Variants in EFNB2 observed in about 807,000 individuals in gnomAD.
EFNB2 encodes ephrin-B2.
EFNB2 carries 5 observed loss-of-function variants against 32.1 expected under a neutral mutation model. The observed-to-expected ratio is 0.16, with a 90% CI of 0.08 to 0.33. The LOEUF (loss-of-function observed/expected upper bound fraction) is 0.33, where lower values mean the gene tolerates loss of function less well. Among genes scored for constraint, EFNB2 ranks in the 10% least tolerant of loss-of-function variants. EFNB2 has a pLI of 1.00. For missense variants in EFNB2, 263 were observed against 422.6 expected, an observed-to-expected ratio of 0.62 and a Z score of 3.31; for synonymous variants, 168 against 166.5, an observed-to-expected ratio of 1.01 and a Z score of -0.07.
intron 2 of EFNB2, among the ~76,000 whole-genome samples, chr13:106,511,878 C>T (rs1178867794): frequency 6.6e-6 from 1 of 152,088 alleles, no homozygotes; most frequent in Non-Finnish European, 1.5e-5. Context: ...TCAGATATGA[C>T]CCAAGGGATA....
chr13:106,495,674 G>T, intron 3 of EFNB2, 74 bp downstream of exon 3: 1 of 1,395,798 alleles, frequency 7.2e-7, no homozygotes, highest in Non-Finnish European at 9.9e-7. Flanking sequence ...GTGGGCATCG[G>T]CAACATTAGC....
rs543289075 is a variant in EFNB2, at chr13:106,512,545, T to G, written c.390A>C (p.Lys130Asn). The G allele has an allele frequency of 6.2e-7, 1 of 1,603,764 alleles. No individual in the cohort carries two copies. Among genetic ancestry groups the G allele is most frequent in the South Asian group, 1.1e-5 (1 of 89,502 alleles). Residue 130 changes from lysine to asparagine, a missense_variant, in exon 2 of 5, where the codon AAA becomes AAC. Lys to Asn is a moderately conservative substitution (Grantham distance 94). This residue lies in a region of EFNB2 where 45 missense variants were observed against 128.6 expected (regional missense o/e 0.35). Transcript: ENST00000646441. ...NLWGLEFQKN[K>N]DYYIISTSNG... ...TATACTTACATATAATGTAATAATCTTTGTTCTTCTGAAATTCTAGACCCC... is the reference window on the plus strand; with the variant it reads ...TATACTTACATATAATGTAATAATCGTTGTTCTTCTGAAATTCTAGACCCC...
Position 106,493,574 on chromosome 13 carries a change from T to A in EFNB2, c.614-146A>T. Reference sequence around the variant, plus strand: ...GACTTTGCCTCGCCAATACCTCGTCTAAGAGCTCAACGCAAAAGGAAATGA... The same window carrying A: ...GACTTTGCCTCGCCAATACCTCGTCAAAGAGCTCAACGCAAAAGGAAATGA... On this transcript the variant is annotated intron_variant, in intron 4 of 4. Coordinates refer to ENST00000646441, the MANE Select transcript of EFNB2 (RefSeq NM_004093.4). This position sits in a 1 kb window ranked among gnomAD's most constrained non-coding sequence, Gnocchi z 6.1. 1 of 1,099,896 alleles carries A rather than the reference T, an allele frequency of 9.1e-7. No homozygotes were observed. Among genetic ancestry groups the A allele is most frequent in the Non-Finnish European group, 1.3e-6 (1 of 790,676 alleles). The allele number at this position is 1,099,896 out of a possible 1,614,324, so 68.1% of individuals were successfully genotyped here. A position where few individuals can be genotyped will look rare whatever the true frequency, so the allele number is the denominator to read the frequency against.
In EFNB2 at chr13:106,494,984, A is replaced by G; in HGVS notation, c.510T>C (p.Ser170=). 6.2e-7 allele frequency: 1 copy of G among 1,613,960 alleles called. No individual in the cohort carries two copies. The highest frequency in any genetic ancestry group is 2.2e-5 in the East Asian group (1 of 44,864). The change falls in exon 4 of 5, where the codon TCT becomes TCC. Residue 170 remains serine (S), a synonymous_variant. Transcript: ENST00000646441. The stretch of plus-strand genomic sequence containing the variant: ...GATCTTTATTCCTGGTTGATCCAGC[A>G]GAACTTGCATCTATATGAAAAACAA... ...ILMKVGQDAS[S]AGSTRNKDPT...
chr13:106,494,921 T>G lies in EFNB2; in HGVS notation c.573A>C (p.Gly191=), dbSNP rs371350125. ...RRPELEAGTN[G]RSSTTSPFVK... is the part of the protein sequence containing the mutation. ...CAAAGGGACTTGTTGTCGAACTTCT[T>G]CCATTTGTACCAGCTTCTAGTTCTG... The change falls in exon 4 of 5, where the codon GGA becomes GGC. Residue 191 remains glycine, a synonymous_variant. Transcript: ENST00000646441. 147 of 1,614,094 alleles carry G rather than the reference T, an allele frequency of 9.1e-5. No homozygotes were observed. The highest frequency in any genetic ancestry group is 1.2e-4 in the Non-Finnish European group (144 of 1,180,034).
rs1566458497 is a variant in EFNB2 at position 106,509,662 on chromosome 13, T to TGTGTGC, written c.406+2866_406+2867insGCACAC. Among the ~76,000 whole-genome samples the TGTGTGC allele has an allele frequency of 2.0e-5, 3 of 150,472 alleles. 1 individual carries two copies. The highest frequency in any genetic ancestry group is 1.3e-4 in the Admixed American group (2 of 15,186). On this transcript the variant is annotated intron_variant, in intron 2 of 4. Coordinates refer to ENST00000646441, the MANE Select transcript of EFNB2 (RefSeq NM_004093.4). ...GTGTGTGTGTGTGTGTGTGTGTGTG[T>TGTGTGC]GTGTGTGTGCATTTGTCTGATATGC...
At chr13:106,508,150 C>G (rs564902866) in intron 2 of EFNB2, among the ~76,000 whole-genome samples, 19 of 152,228 alleles carry the variant, frequency 1.2e-4, no homozygotes, top group African/African-American at 4.6e-4. Flanking sequence ...ACCAAACCTG[C>G]TGACTCATTC....
At position 106,490,739 on chromosome 13, in the gene EFNB2, A is replaced by ATATAGATATATATAATATATAT. The variant is rs1256903956; in HGVS notation, c.*2279_*2300dup. ...CATGGCAACCCTCCACAGAAATATG[A>ATATAGATATATATAATATATAT]TATAGATATATATAATATATATTGT... On this transcript the variant is annotated 3_prime_UTR_variant, in exon 5 of 5. Transcript: ENST00000646441. 6.6e-6 allele frequency: 1 copy of ATATAGATATATATAATATATAT among 151,666 alleles called. No homozygotes were observed. The highest frequency in any genetic ancestry group is 1.5e-5 in the Non-Finnish European group (1 of 67,958). 9.4% of individuals were successfully genotyped at this position (151,666 alleles called of 1,614,324 possible). A position where few individuals can be genotyped will look rare whatever the true frequency, so the allele number is the denominator to read the frequency against.
rs1880051717 is a variant in EFNB2, at chr13:106,535,558, T to G, written c.-594A>C. On this transcript the variant is annotated 5_prime_UTR_variant, in exon 1 of 5. Transcript: ENST00000646441. Reference sequence around the variant, plus strand: ...AGGGAGCTCGGTCCCCGCCGCGGGCTCCGGACGCGCGCGGGCCTTTGTGTG... The same window carrying G: ...AGGGAGCTCGGTCCCCGCCGCGGGCGCCGGACGCGCGCGGGCCTTTGTGTG... 6.7e-6 allele frequency: 1 copy of G among 148,378 alleles called. No individual in the cohort carries two copies. The highest frequency in any genetic ancestry group is 2.5e-5 in the African/African-American group (1 of 40,426). 9.2% of individuals were successfully genotyped at this position (148,378 alleles called of 1,614,324 possible).
At chr13:106,531,783 A>G (rs528540827) in intron 1 of EFNB2, among the ~76,000 whole-genome samples, 1 of 152,326 alleles carries the variant, frequency 6.6e-6, no homozygotes, top group Non-Finnish European at 1.5e-5. Context: ...TTACATGGGA[A>G]AAGCAAAATG....
intron 1 of EFNB2, among the ~76,000 whole-genome samples, chr13:106,534,563 A>C (rs1879992316): frequency 1.3e-5 from 2 of 152,124 alleles, no homozygotes; most frequent in South Asian, 4.1e-4. Flanking sequence ...GCCATCGGAC[A>C]CCTTCCCGGA....
intron 1 of EFNB2, among the ~76,000 whole-genome samples, chr13:106,529,158 C>T (rs997089432): frequency 2.0e-5 from 3 of 152,072 alleles, no homozygotes; most frequent in Non-Finnish European, 2.9e-5. Flanking sequence ...TCCCATGCAG[C>T]GGGAGAGGGA....
rs149214987 is a variant in EFNB2, at chr13:106,516,102, T to C, written c.123-3290A>G. On this transcript the variant is annotated intron_variant, in intron 1 of 4. Coordinates refer to ENST00000646441, the MANE Select transcript of EFNB2 (RefSeq NM_004093.4). ...AAATAGAAGCTAACATTTATACAAA[T>C]TGAAGTCAAATTAAATACCACTATT... 110 of 152,336 alleles carry C rather than the reference T, an allele frequency of 7.2e-4. 1 individual carries two copies. The highest frequency in any genetic ancestry group is 2.4e-3 in the African/African-American group (98 of 41,572). The allele number at this position is 152,336 out of a possible 1,614,324, so 9.4% of individuals were successfully genotyped here. A position where few individuals can be genotyped will look rare whatever the true frequency, so the allele number is the denominator to read the frequency against.
chr13:106,500,828 T>C, intron 2 of EFNB2, among the ~76,000 whole-genome samples: 1 of 152,158 alleles, frequency 6.6e-6, no homozygotes, highest in East Asian at 1.9e-4. Context: ...GGAAGACTGT[T>C]ATCTTGGCAA....
At chr13:106,522,073 C>T (rs1055602914) in intron 1 of EFNB2, among the ~76,000 whole-genome samples, 13 of 151,184 alleles carry the variant, frequency 8.6e-5, no homozygotes, top group Non-Finnish European at 1.8e-4. Context: ...AAACCACACA[C>T]GCACCCCAAA....
intron 1 of EFNB2, among the ~76,000 whole-genome samples, chr13:106,528,629 C>G (rs1338318538): frequency 6.6e-6 from 1 of 152,114 alleles, no homozygotes; most frequent in Non-Finnish European, 1.5e-5. Flanking sequence ...TGGAGACTTT[C>G]CTGTAATGCC....
At chr13:106,507,032 A>T (rs1878975179) in intron 2 of EFNB2, among the ~76,000 whole-genome samples, 2 of 152,152 alleles carry the variant, frequency 1.3e-5, no homozygotes, top group Admixed American at 1.3e-4. Flanking sequence ...CAAGATTCTG[A>T]TGAATATCCT....
chr13:106,493,076 G>C lies in EFNB2; in HGVS notation c.966C>G (p.Pro322=), dbSNP rs751552616. 6.2e-7 allele frequency: 1 copy of C among 1,613,430 alleles called. No individual in the cohort carries two copies. Among genetic ancestry groups the C allele is most frequent in the African/African-American group, 1.3e-5 (1 of 75,036 alleles). ...AGTAAATGTTCGCCGGGCTCTGCGG[G>C]GGCATCTCCTGGACGATGTACACCG... ...GHPVYIVQEM[P]PQSPANIYYK... is the part of the protein sequence containing the mutation. The change falls in exon 5 of 5, where the codon CCC becomes CCG. Residue 322 remains proline (P), a synonymous_variant. Coordinates refer to ENST00000646441, the MANE Select transcript of EFNB2 (RefSeq NM_004093.4). This position sits in a 1 kb window ranked among gnomAD's most constrained non-coding sequence, Gnocchi z 6.1.
intron 1 of EFNB2, among the ~76,000 whole-genome samples, chr13:106,534,593 G>A (rs1879994530): frequency 6.6e-6 from 1 of 152,208 alleles, no homozygotes; most frequent in African/African-American, 2.4e-5. Flanking sequence ...CGAGCCGATA[G>A]TAGCTTTTAG....
Sources: gnomAD v4.1 joint callset for allele counts (sites outside exome capture counted in the v4.1 genomes callset) on GRCh38, gnomAD v4.1.1 for gene constraint, gnomAD v4.1.1 regional missense constraint, Gnocchi (gnomAD v3.1) non-coding constraint, MANE v1.5 for transcripts, NCBI Gene and HGNC (gene_info 2026-07-23, HGNC 2026-07-21) for gene names.